CCDC91: variants seen among roughly 807,000 people sequenced by gnomAD.
CCDC91 encodes the protein coiled-coil domain-containing protein 91.
Under a neutral mutation model 63.2 loss-of-function variants are expected in CCDC91, and 48 were observed. That is an observed-to-expected ratio of 0.76 (90% CI 0.60 to 0.97). The LOEUF (loss-of-function observed/expected upper bound fraction) is 0.97, where lower values mean the gene tolerates loss of function less well. Ranked by LOEUF, CCDC91 falls within the 50% of genes least tolerant of loss-of-function variation. The probability of loss-of-function intolerance (pLI) is 0.00; values close to 1 mark genes in which losing one functional copy is unlikely to be tolerated. For missense variants in CCDC91, 500 were observed against 494.6 expected (o/e 1.01, Z -0.10); for synonymous variants, 167 against 165.8 (o/e 1.01, Z -0.06).
intron 1 of CCDC91, among the ~76,000 whole-genome samples, chr12:28,226,869 T>C (rs890712369): frequency 1.3e-5 from 2 of 152,176 alleles, no homozygotes; most frequent in Admixed American, 6.5e-5. Flanking sequence ...TTAAGGAGTA[T>C]TGGTCAGACA....
intron 11 of CCDC91, among the ~76,000 whole-genome samples, chr12:28,478,224 G>A (rs1377774722): frequency 6.6e-6 from 1 of 151,988 alleles, no homozygotes; most frequent in Non-Finnish European, 1.5e-5. Flanking sequence ...CTCCAAGGCT[G>A]CAATAACCAA....
intron 8 of CCDC91, among the ~76,000 whole-genome samples, chr12:28,439,951 A>G (rs1949099950): frequency 6.6e-6 from 1 of 150,858 alleles, no homozygotes; most frequent in Non-Finnish European, 1.5e-5. Context: ...CATGGTTTGC[A>G]TTTATTTCTT....
chr12:28,378,866 A>T (rs768743128), intron 7 of CCDC91, among the ~76,000 whole-genome samples: 16 of 152,018 alleles, frequency 1.1e-4, no homozygotes, highest in Non-Finnish European at 2.1e-4. Flanking sequence ...TCAGTGGAGG[A>T]TTGAGAAAGA....
chr12:28,423,026 T>C (rs1218311547), intron 8 of CCDC91, among the ~76,000 whole-genome samples: 1 of 152,102 alleles, frequency 6.6e-6, no homozygotes, highest in Non-Finnish European at 1.5e-5. Flanking sequence ...ATAACTTCTT[T>C]CTGACAGAGG....
chr12:28,521,031 C>T (rs561563185), intron 12 of CCDC91, among the ~76,000 whole-genome samples: 1 of 152,252 alleles, frequency 6.6e-6, no homozygotes, highest in South Asian at 2.1e-4. Context: ...GTTCTTTTGG[C>T]TTAGGATTGA....
chr12:28,505,378 C>T (rs1938574652), intron 12 of CCDC91: 1 of 151,800 alleles, frequency 6.6e-6, no homozygotes, highest in Non-Finnish European at 1.5e-5. Flanking sequence ...TACAGTAACT[C>T]AGAGAATTGA....
At chr12:28,535,629 T>C (rs1307105604) in intron 12 of CCDC91, among the ~76,000 whole-genome samples, 1 of 152,238 alleles carries the variant, frequency 6.6e-6, no homozygotes, top group African/African-American at 2.4e-5. Flanking sequence ...TATTACTCCC[T>C]AACTTCAGTA....
At chr12:28,225,640 G>C (rs1250945377) in intron 1 of CCDC91, among the ~76,000 whole-genome samples, 1 of 152,114 alleles carries the variant, frequency 6.6e-6, no homozygotes, top group Non-Finnish European at 1.5e-5. Context: ...ATTTTTAGTA[G>C]AGATGGGGTT....
intron 1 of CCDC91, among the ~76,000 whole-genome samples, chr12:28,252,981 A>G (rs972874550): frequency 1.3e-5 from 2 of 152,164 alleles, no homozygotes; most frequent in Non-Finnish European, 2.9e-5. Context: ...GAGGCACACA[A>G]TGTTTTAAGT....
intron 1 of CCDC91, among the ~76,000 whole-genome samples, chr12:28,240,987 A>G (rs1204715470): frequency 1.3e-5 from 2 of 152,158 alleles, no homozygotes; most frequent in Non-Finnish European, 2.9e-5. Flanking sequence ...TCCCACCAGA[A>G]AAAGTGGATC....
chr12:28,524,933 A>G (rs1166962644), intron 12 of CCDC91, among the ~76,000 whole-genome samples: 1 of 152,104 alleles, frequency 6.6e-6, no homozygotes. Flanking sequence ...CTGTGATGTC[A>G]GTTGTAATAT....
intron 3 of CCDC91, among the ~76,000 whole-genome samples, chr12:28,267,802 ATAGTAATATATAATTATAT>A (rs1565699682): frequency 1.6e-4 from 6 of 36,490 alleles, no homozygotes; most frequent in South Asian, 9.7e-4. Context: ...ATATAATTAT[ATAGTAATATATAATTATAT>A]TATTAATATA....
chr12:28,464,200 C>A (rs1950442990), intron 11 of CCDC91, among the ~76,000 whole-genome samples: 1 of 152,148 alleles, frequency 6.6e-6, no homozygotes, highest in Admixed American at 6.5e-5. Flanking sequence ...AACTTGAGTT[C>A]CCCCAAGCCT....
chr12:28,211,596 C>T (rs1376661046), intron 1 of CCDC91, among the ~76,000 whole-genome samples: 1 of 152,134 alleles, frequency 6.6e-6, no homozygotes, highest in Non-Finnish European at 1.5e-5. Context: ...GAATGTTTTA[C>T]TGTAAGTTAT....
chr12:28,460,086 T>A (rs1414613174), intron 11 of CCDC91, among the ~76,000 whole-genome samples: 1 of 152,132 alleles, frequency 6.6e-6, no homozygotes, highest in African/African-American at 2.4e-5. Context: ...CAGACTCAAT[T>A]TGAGGACTTG....
At chr12:28,192,443 A>G (rs181726410) in intron 1 of CCDC91, among the ~76,000 whole-genome samples, 1 of 152,336 alleles carries the variant, frequency 6.6e-6, no homozygotes, top group East Asian at 1.9e-4. Flanking sequence ...ACTGTAGGTC[A>G]TAATTACAGC....
At chr12:28,374,058 G>T (rs1944792480) in intron 7 of CCDC91, among the ~76,000 whole-genome samples, 1 of 152,006 alleles carries the variant, frequency 6.6e-6, no homozygotes, top group Non-Finnish European at 1.5e-5. Flanking sequence ...TTTCCTTCTA[G>T]CAATGTGAGA....
At chr12:28,198,212 A>T (rs1418898054) in intron 1 of CCDC91, among the ~76,000 whole-genome samples, 1 of 152,168 alleles carries the variant, frequency 6.6e-6, no homozygotes, top group Non-Finnish European at 1.5e-5. Flanking sequence ...GTTAAAGAGT[A>T]GGTCTACATA....
chr12:28,535,901 C>T (rs770101423), intron 12 of CCDC91, among the ~76,000 whole-genome samples: 1 of 151,778 alleles, frequency 6.6e-6, no homozygotes, highest in Non-Finnish European at 1.5e-5. Flanking sequence ...TGGTGGTGGG[C>T]GCCCATAGTC....
Sources: gnomAD v4.1 joint callset for allele counts (sites outside exome capture counted in the v4.1 genomes callset) on GRCh38, gnomAD v4.1.1 for gene constraint, MANE v1.5 for transcripts, NCBI Gene and HGNC (gene_info 2026-07-23, HGNC 2026-07-21) for gene names.